Variants in FCHO2 observed in about 807,000 individuals in gnomAD.
FCHO2 encodes F-BAR domain only protein 2.
FCHO2 carries 43 observed loss-of-function variants against 114.1 expected under a neutral mutation model. That is an observed-to-expected ratio of 0.38 (90% CI 0.30 to 0.49). The LOEUF is 0.49. Ranked by LOEUF, FCHO2 falls within the 20% of genes least tolerant of loss-of-function variation. FCHO2 has a pLI of 0.97. For synonymous variants in FCHO2, 293 were observed against 315.2 expected, an observed-to-expected ratio of 0.93 and a Z score of 0.75; for missense variants, 807 against 950.4, an observed-to-expected ratio of 0.85 and a Z score of 1.98.
chr5:72,971,135 A>G (rs1206137288), intron 2 of FCHO2, among the ~76,000 whole-genome samples: 2 of 152,024 alleles, frequency 1.3e-5, no homozygotes, highest in African/African-American at 4.8e-5. Context: ...AGTCTTTGCT[A>G]TTGTGAATAA....
chr5:72,956,749 A>T (rs946270503), intron 1 of FCHO2, among the ~76,000 whole-genome samples: 2 of 151,330 alleles, frequency 1.3e-5, no homozygotes, highest in African/African-American at 4.9e-5. Flanking sequence ...ATGTAACTGG[A>T]CTCCTTGGGC....
intron 2 of FCHO2, among the ~76,000 whole-genome samples, chr5:72,978,547 T>G (rs1333877355): frequency 1.3e-5 from 2 of 152,228 alleles, no homozygotes; most frequent in Non-Finnish European, 2.9e-5. Context: ...AATCATGTCA[T>G]CTTCAAACAG....
At chr5:72,990,893 G>C (rs1421277808) in intron 5 of FCHO2, 29 bp downstream of exon 5, 1 of 1,522,724 alleles carries the variant, frequency 6.6e-7, no homozygotes, top group Non-Finnish European at 8.8e-7. Flanking sequence ...ACATATCTGT[G>C]GTTTCAAAGC....
chr5:72,976,746 C>T (rs548627345), intron 2 of FCHO2, among the ~76,000 whole-genome samples: 1 of 152,098 alleles, frequency 6.6e-6, no homozygotes, highest in African/African-American at 2.4e-5. Flanking sequence ...CACATTAGGT[C>T]TTTCTCCTAA....
intron 11 of FCHO2, among the ~76,000 whole-genome samples, chr5:73,042,056 G>A (rs919037559): frequency 6.6e-6 from 1 of 152,158 alleles, no homozygotes; most frequent in South Asian, 2.1e-4. Context: ...GCATCATAGT[G>A]TAACAAAATA....
chr5:73,066,868 C>G (rs906065902), intron 18 of FCHO2, among the ~76,000 whole-genome samples: 1 of 151,898 alleles, frequency 6.6e-6, no homozygotes, highest in African/African-American at 2.4e-5. Flanking sequence ...ATTCTGATGC[C>G]TGCTAATGTT....
At chr5:73,080,236 C>A (rs982334366) in intron 22 of FCHO2, among the ~76,000 whole-genome samples, 2 of 152,142 alleles carry the variant, frequency 1.3e-5, no homozygotes, top group Non-Finnish European at 2.9e-5. Flanking sequence ...ACTAAGATAA[C>A]AATGAGGTGT....
intron 2 of FCHO2, among the ~76,000 whole-genome samples, chr5:72,969,407 C>T (rs945288118): frequency 6.6e-6 from 1 of 152,120 alleles, no homozygotes; most frequent in Non-Finnish European, 1.5e-5. Flanking sequence ...TCTATAAGTT[C>T]GGTTCTTTTC....
intron 20 of FCHO2, among the ~76,000 whole-genome samples, chr5:73,076,598 G>A (rs973460620): frequency 2.0e-5 from 3 of 152,152 alleles, no homozygotes; most frequent in African/African-American, 7.2e-5. Context: ...GAATTGCTGG[G>A]ATTGGCCTGA....
rs142354871 is a variant in FCHO2 at position 73,013,300 on chromosome 5, G to C, written c.601-2326G>C. On this transcript the variant is annotated intron_variant, in intron 6 of 25. Coordinates refer to ENST00000430046, the MANE Select transcript of FCHO2 (RefSeq NM_138782.3). Reference sequence around the variant, plus strand: ...AGAGGTTCTTACCATTTACACATTAGATATCATTTGGTGATTTCTGGTCAC... The same window carrying C: ...AGAGGTTCTTACCATTTACACATTACATATCATTTGGTGATTTCTGGTCAC... Among the ~76,000 whole-genome samples the C allele has an allele frequency of 3.9e-3, 584 of 151,300 alleles. 2 individuals are homozygous for C. The highest frequency in any genetic ancestry group is 0.013 in the African/African-American group (547 of 41,166).
intron 5 of FCHO2, among the ~76,000 whole-genome samples, chr5:72,991,074 AT>A (rs1753785009): frequency 6.6e-6 from 1 of 152,092 alleles, no homozygotes; most frequent in Admixed American, 6.6e-5. Context: ...AAAAACAATG[AT>A]TGATTTGAGA....
At chr5:73,047,776 A>G (rs1757126395) in intron 11 of FCHO2, among the ~76,000 whole-genome samples, 1 of 152,126 alleles carries the variant, frequency 6.6e-6, no homozygotes. Flanking sequence ...GTAAATGGAT[A>G]TTGTAAATAG....
chr5:72,965,120 G>A (rs1296600897), intron 1 of FCHO2, among the ~76,000 whole-genome samples: 1 of 152,070 alleles, frequency 6.6e-6, no homozygotes, highest in Non-Finnish European at 1.5e-5. Flanking sequence ...GGAGAAGAGG[G>A]GACTACTGTA....
chr5:73,026,565 C>A (rs942325634), intron 8 of FCHO2, among the ~76,000 whole-genome samples: 1 of 152,116 alleles, frequency 6.6e-6, no homozygotes, highest in Non-Finnish European at 1.5e-5. Flanking sequence ...TTGAAAGATA[C>A]AACCTGTCAG....
At chr5:72,967,331 A>G (rs1752256773) in intron 1 of FCHO2, among the ~76,000 whole-genome samples, 1 of 152,170 alleles carries the variant, frequency 6.6e-6, no homozygotes. Context: ...AGACTAGCAC[A>G]TAGCCTCTTC....
chr5:73,002,440 A>G (rs1295722142), intron 5 of FCHO2, among the ~76,000 whole-genome samples: 1 of 152,100 alleles, frequency 6.6e-6, no homozygotes, highest in Non-Finnish European at 1.5e-5. Context: ...GTCATCCTTT[A>G]TTTCTATTAG....
At chr5:73,048,088 GC>G (rs141411512) in intron 11 of FCHO2, among the ~76,000 whole-genome samples, 45,198 of 151,916 alleles carry the variant, frequency 0.3, 6,939 homozygotes, top group East Asian at 0.44. Context: ...CAATCTTCCT[GC>G]CCTCAGCCTC....
chr5:72,980,486 A>G (rs1216467758), intron 2 of FCHO2, among the ~76,000 whole-genome samples: 1 of 152,048 alleles, frequency 6.6e-6, no homozygotes, highest in African/African-American at 2.4e-5. Context: ...GCTGAGTTCA[A>G]TTCCTGAATA....
chr5:73,033,684 A>G (rs551059666), intron 8 of FCHO2, among the ~76,000 whole-genome samples: 39 of 152,304 alleles, frequency 2.6e-4, no homozygotes, highest in Middle Eastern at 6.8e-3. Flanking sequence ...TCATGAATTT[A>G]TATATAAAAA....
Sources: allele counts gnomAD v4.1 joint callset (sites outside exome capture counted in the v4.1 genomes callset), GRCh38; gene constraint gnomAD v4.1.1; transcripts MANE v1.5; gene names NCBI Gene and HGNC (gene_info 2026-07-23, HGNC 2026-07-21).